Variants in SETDB2 observed in about 807,000 individuals in gnomAD.
The protein encoded by SETDB2 is histone-lysine N-methyltransferase SETDB2.
A neutral mutation model predicts 82.5 loss-of-function variants in SETDB2; 56 were observed. The observed-to-expected ratio is 0.68, with a 90% CI of 0.55 to 0.85. The LOEUF (loss-of-function observed/expected upper bound fraction) is 0.85. SETDB2 is among the 40% of genes least tolerant of loss of function. SETDB2 has a pLI of 0.00. For synonymous variants in SETDB2, 272 were observed against 284.9 expected (o/e 0.95, Z 0.46); for missense variants, 677 against 816.4 (o/e 0.83, Z 2.08).
chr13:49,459,177 C>G (rs1411640123), intron 2 of SETDB2, among the ~76,000 whole-genome samples: 1 of 152,172 alleles, frequency 6.6e-6, no homozygotes, highest in Non-Finnish European at 1.5e-5. Flanking sequence ...CCAGAAGTCC[C>G]CTTTGGGAAA....
At chr13:49,460,051 A>T in intron 2 of SETDB2, 56 bp from the exon 3 acceptor site, 1 of 1,543,586 alleles carries the variant, frequency 6.5e-7, no homozygotes. Flanking sequence ...ATGTTCTTAG[A>T]TAAATTATAG....
At chr13:49,461,213 C>T in intron 4 of SETDB2, 51 bp downstream of exon 4, 6 of 1,316,862 alleles carry the variant, frequency 4.6e-6, no homozygotes, top group Non-Finnish European at 6.4e-6. Flanking sequence ...ATTTTCTTGC[C>T]ATGAAGCAGG....
intron 5 of SETDB2, among the ~76,000 whole-genome samples, chr13:49,476,053 A>G (rs549817214): frequency 2.6e-5 from 4 of 152,318 alleles, no homozygotes; most frequent in South Asian, 4.1e-4. Flanking sequence ...CATGCTCTAA[A>G]TGAACTCTAA....
chr13:49,474,197 G>T (rs980217904), intron 5 of SETDB2, among the ~76,000 whole-genome samples: 2 of 152,162 alleles, frequency 1.3e-5, no homozygotes, highest in African/African-American at 4.8e-5. Context: ...GGGAAGCAGA[G>T]GTTGCAGTGA....
chr13:49,485,770 T>G lies in SETDB2; in HGVS notation c.1576+47T>G, dbSNP rs368323487. On this transcript the variant is annotated intron_variant, in intron 11 of 13. Coordinates refer to ENST00000611815, the MANE Select transcript of SETDB2 (RefSeq NM_001160308.3). ...AATGCCTACCTCTTCTGCCTGTTTC[T>G]CTGTCTCTTGCTCAATACCTGTAGC... 2.5e-4 allele frequency: 353 copies of G among 1,431,668 alleles called. 1 individual carries two copies. Among genetic ancestry groups the G allele is most frequent in the Non-Finnish European group, 3.3e-4 (332 of 1,013,556 alleles). The allele number at this position is 1,431,668 out of a possible 1,614,324, so 88.7% of individuals were successfully genotyped here.
intron 8 of SETDB2, among the ~76,000 whole-genome samples, chr13:49,481,717 G>A (rs1476041187): frequency 6.6e-6 from 1 of 152,150 alleles, no homozygotes; most frequent in Non-Finnish European, 1.5e-5. Flanking sequence ...GTCTTCAGTA[G>A]TCTTACACAT....
chr13:49,445,701 G>A (rs955857859), intron 1 of SETDB2: 2 of 149,820 alleles, frequency 1.3e-5, no homozygotes, highest in Admixed American at 6.7e-5. Flanking sequence ...GGCTGAGGCG[G>A]GCGGATCACC....
chr13:49,476,258 C>T (rs907222077), intron 5 of SETDB2, among the ~76,000 whole-genome samples: 4 of 152,122 alleles, frequency 2.6e-5, no homozygotes, highest in Admixed American at 6.5e-5. Flanking sequence ...TGAATGGCCA[C>T]TGCACTCCAG....
intron 13 of SETDB2, among the ~76,000 whole-genome samples, 194 bp downstream of exon 13, chr13:49,491,104 A>G (rs1958702808): frequency 6.6e-6 from 1 of 152,196 alleles, no homozygotes; most frequent in Non-Finnish European, 1.5e-5. Context: ...AAAAATAGAA[A>G]AAGTTCACCA....
chr13:49,447,065 G>T (rs1438587818), intron 1 of SETDB2, among the ~76,000 whole-genome samples: 1 of 152,048 alleles, frequency 6.6e-6, no homozygotes, highest in Non-Finnish European at 1.5e-5. Flanking sequence ...CCTAGTGATG[G>T]CTGCAAATTA....
At chr13:49,474,334 A>G (rs1039474057) in intron 5 of SETDB2, among the ~76,000 whole-genome samples, 5 of 152,242 alleles carry the variant, frequency 3.3e-5, no homozygotes, top group African/African-American at 1.2e-4. Context: ...ATCCAAAAGC[A>G]TCAAGATCCA....
At chr13:49,470,677 A>G (rs994351847) in intron 5 of SETDB2, among the ~76,000 whole-genome samples, 11 of 152,032 alleles carry the variant, frequency 7.2e-5, no homozygotes, top group Admixed American at 4.6e-4. Flanking sequence ...GCAAAACCCC[A>G]TCTCTACAAA....
chr13:49,465,061 G>A (rs1176929640), intron 4 of SETDB2, among the ~76,000 whole-genome samples: 1 of 138,270 alleles, frequency 7.2e-6, no homozygotes, highest in Non-Finnish European at 1.6e-5. Flanking sequence ...GCAAGAGAGT[G>A]AGACCCTGTC....
chr13:49,468,628 C>CTTTTTTTTTTTTTTTTTT (rs1555271403), intron 5 of SETDB2, among the ~76,000 whole-genome samples: 2 of 148,260 alleles, frequency 1.3e-5, no homozygotes, highest in East Asian at 2.0e-4. Flanking sequence ...ACCCTAATTT[C>CTTTTTTTTTTTTTTTTTT]ATTTGTTCTT....
At position 49,444,544 on chromosome 13, in the gene SETDB2, A is replaced by G. The variant is rs1957618983; in HGVS notation, c.-655A>G. On this transcript the variant is annotated 5_prime_UTR_variant, in exon 1 of 14. Transcript: ENST00000611815. ...GGCACCGCCGTGGCTGGCCCCCGAC[A>G]GTTCCTCTAGCCGGGAGGTTGGAGG... 6.3e-6 allele frequency: 1 copy of G among 158,562 alleles called. No individual in the cohort carries two copies. The allele number at this position is 158,562 out of a possible 1,614,324, so 9.8% of individuals were successfully genotyped here. A position where few individuals can be genotyped will look rare whatever the true frequency, so the allele number is the denominator to read the frequency against.
In SETDB2 at chr13:49,488,290, A is replaced by AGGAC; in HGVS notation, c.1578_1581dup (p.Ser528GlyfsTer8). Reference sequence around the variant, plus strand: ...TGTTTCCTTCCAAAATGTCTATTAGAGGACTCAAGTTCAAACCATGTTGAT... The same window carrying AGGAC: ...TGTTTCCTTCCAAAATGTCTATTAGAGGACGGACTCAAGTTCAAACCATGTTGAT... On this transcript the variant is annotated frameshift_variant and splice_region_variant, in exon 12 of 14. Transcript: ENST00000611815. LOFTEE classifies it high-confidence loss of function. 1 of 1,574,030 alleles carries AGGAC rather than the reference A, an allele frequency of 6.4e-7. No homozygotes were observed.
rs1957609426 is a variant in SETDB2 at position 49,444,297 on chromosome 13, C to T, written c.-902C>T. On this transcript the variant is annotated 5_prime_UTR_variant, in exon 1 of 14. Transcript: ENST00000611815. Reference sequence around the variant, plus strand: ...GCGGAGGTTACGCCTTCCCTCATCCCCGGTAGAGGCAGGGCGGGACTGTTG... The same window carrying T: ...GCGGAGGTTACGCCTTCCCTCATCCTCGGTAGAGGCAGGGCGGGACTGTTG... The T allele has an allele frequency of 6.1e-6, 2 of 325,870 alleles. No individual in the cohort carries two copies. Among genetic ancestry groups the T allele is most frequent in the Non-Finnish European group, 6.1e-6 (1 of 164,676 alleles). 20.2% of individuals were successfully genotyped at this position (325,870 alleles called of 1,614,324 possible). A position where few individuals can be genotyped will look rare whatever the true frequency, so the allele number is the denominator to read the frequency against.
intron 2 of SETDB2, among the ~76,000 whole-genome samples, chr13:49,453,513 G>A (rs553677227): frequency 1.4e-4 from 21 of 152,122 alleles, no homozygotes; most frequent in African/African-American, 4.8e-4. Context: ...GGCCAGGCTG[G>A]TCTCGAACTC....
At chr13:49,450,002 A>C (rs1251205112) in intron 1 of SETDB2, among the ~76,000 whole-genome samples, 1 of 152,182 alleles carries the variant, frequency 6.6e-6, no homozygotes, top group Non-Finnish European at 1.5e-5. Flanking sequence ...TTCTGGGTTC[A>C]TACTGACTTT....
Sources: gnomAD v4.1 joint callset for allele counts (sites outside exome capture counted in the v4.1 genomes callset) on GRCh38, gnomAD v4.1.1 for gene constraint, MANE v1.5 for transcripts, NCBI Gene and HGNC (gene_info 2026-07-23, HGNC 2026-07-21) for gene names.